DHRS4: variants seen among roughly 807,000 people sequenced by gnomAD.
DHRS4 encodes the protein dehydrogenase/reductase 4.
DHRS4 carries 20 observed loss-of-function variants against 28.4 expected under a neutral mutation model. That is an observed-to-expected ratio of 0.71 (90% CI 0.50 to 1.02). DHRS4 has a LOEUF of 1.02. Among genes scored for constraint, DHRS4 ranks in the 50% least tolerant of loss-of-function variants. DHRS4 has a pLI of 0.00. For missense variants in DHRS4, 378 were observed against 367.2 expected, an observed-to-expected ratio of 1.03 and a Z score of -0.24; for synonymous variants, 144 against 146.4, an observed-to-expected ratio of 0.98 and a Z score of 0.12.
At chr14:23,954,107 C>G in intron 1 of DHRS4, 191 bp downstream of exon 1, 1 of 821,958 alleles carries the variant, frequency 1.2e-6, no homozygotes, top group Non-Finnish European at 1.8e-6. Flanking sequence ...CCCTTGCCAG[C>G]CCTCCTGTCC....
rs987600953 is a variant in DHRS4, at chr14:23,955,729, C to G, written c.306+517C>G. Among the ~76,000 whole-genome samples the G allele has an allele frequency of 2.0e-5, 3 of 152,200 alleles. No individual in the cohort carries two copies. In the South Asian group the frequency reaches 6.2e-4, roughly 32 times the overall value. ...GGCTCAGATAGCTGGAGCAACTTCCCAAGGTCCCACAGCCAGTAAGGAAAG... is the reference window on the plus strand; with the variant it reads ...GGCTCAGATAGCTGGAGCAACTTCCGAAGGTCCCACAGCCAGTAAGGAAAG... On this transcript the variant is annotated intron_variant, in intron 2 of 7. Transcript: ENST00000313250.
chr14:23,954,457 C>T (rs8009599), intron 1 of DHRS4, among the ~76,000 whole-genome samples: 28,783 of 152,092 alleles, frequency 0.19, 6,540 homozygotes, highest in African/African-American at 0.55. Context: ...CTATCCTGGT[C>T]CTCATTTCTA....
At chr14:23,966,815 G>C (rs993640845) in intron 6 of DHRS4, among the ~76,000 whole-genome samples, 2 of 152,286 alleles carry the variant, frequency 1.3e-5, no homozygotes, top group Non-Finnish European at 2.9e-5. Context: ...GTTACCATGA[G>C]GATGGGCAGT....
chr14:23,958,909 T>C (rs1332267325), intron 2 of DHRS4, among the ~76,000 whole-genome samples: 1 of 152,162 alleles, frequency 6.6e-6, no homozygotes, highest in East Asian at 1.9e-4. Flanking sequence ...AACTATAAGA[T>C]CTTGAGAAAA....
At chr14:23,967,503 A>C (rs1464679402) in intron 7 of DHRS4, 4 of 769,260 alleles carry the variant, frequency 5.2e-6, no homozygotes, top group Non-Finnish European at 9.1e-6. Context: ...CTCTGGGAGA[A>C]GCCCTGAGTC....
At chr14:23,958,541 G>A (rs1382280311) in intron 2 of DHRS4, among the ~76,000 whole-genome samples, 1 of 152,220 alleles carries the variant, frequency 6.6e-6, no homozygotes, top group Non-Finnish European at 1.5e-5. Context: ...GAGGTGAGAT[G>A]TTGCCTTTCT....
At chr14:23,958,054 C>T (rs1447330475) in intron 2 of DHRS4, among the ~76,000 whole-genome samples, 1 of 152,026 alleles carries the variant, frequency 6.6e-6, no homozygotes, top group African/African-American at 2.4e-5. Flanking sequence ...TATTAACTTA[C>T]TCTGCACCTC....
intron 5 of DHRS4, 69 bp downstream of exon 5, chr14:23,966,052 C>A: frequency 6.2e-7 from 1 of 1,607,922 alleles, no homozygotes; most frequent in South Asian, 1.1e-5. Flanking sequence ...CTCCTATTAC[C>A]CAAGGAAGTT....
chr14:23,966,568 C>T (rs1181265808), intron 6 of DHRS4, 151 bp downstream of exon 6: 2 of 1,302,856 alleles, frequency 1.5e-6, no homozygotes, highest in African/African-American at 2.9e-5. Context: ...ACCACCTGCC[C>T]TATACAAGCC....
intron 3 of DHRS4, among the ~76,000 whole-genome samples, chr14:23,964,807 C>A (rs1219970987): frequency 6.8e-6 from 1 of 148,048 alleles, no homozygotes; most frequent in Non-Finnish European, 1.5e-5. Flanking sequence ...AACTCCTGAC[C>A]TAAAAGTGAT....
rs772524465 is a variant in DHRS4, at chr14:23,955,054, C to T, written c.148C>T (p.Arg50Trp). The T allele has an allele frequency of 5.0e-6, 8 of 1,614,182 alleles. No individual in the cohort carries two copies. Among genetic ancestry groups the T allele is most frequent in the Admixed American group, 3.3e-5 (2 of 60,024 alleles). ...STDGIGFAIA[R>W]RLAQDGAHVV... is the part of the protein sequence containing the mutation. ...TCACAGGATCGGCTTCGCCATCGCC[C>T]GGCGTTTGGCCCAGGACGGGGCCCA... Residue 50 changes from arginine (R) to tryptophan (W), a missense_variant, in exon 2 of 8, where the codon CGG (arginine) becomes TGG (tryptophan). By Grantham distance (101) the Arg-to-Trp change is moderately radical. Transcript: ENST00000313250.
chr14:23,960,958 A>T (rs1240087519), intron 3 of DHRS4, among the ~76,000 whole-genome samples: 1 of 151,960 alleles, frequency 6.6e-6, no homozygotes, highest in East Asian at 1.9e-4. Context: ...CAAGACAGGA[A>T]GCAAGAGAGA....
intron 3 of DHRS4, among the ~76,000 whole-genome samples, chr14:23,960,487 T>A (rs1391573242): frequency 2.0e-5 from 3 of 151,938 alleles, no homozygotes; most frequent in African/African-American, 4.8e-5. Flanking sequence ...ATACATCCTT[T>A]AAAAAAATAA....
chr14:23,956,686 C>A (rs1039364082), intron 2 of DHRS4, among the ~76,000 whole-genome samples: 1 of 149,582 alleles, frequency 6.7e-6, no homozygotes, highest in South Asian at 2.1e-4. Flanking sequence ...CTCACTGCAA[C>A]CTCCGCCTCC....
intron 1 of DHRS4, among the ~76,000 whole-genome samples, chr14:23,954,780 C>T (rs1470655796): frequency 6.6e-6 from 1 of 152,202 alleles, no homozygotes; most frequent in Non-Finnish European, 1.5e-5. Flanking sequence ...AAGCCTGTCA[C>T]CCATGGTGGG....
At position 23,959,987 on chromosome 14, in the gene DHRS4, A is replaced by C. The variant is rs200099029; in HGVS notation, c.392A>C (p.Glu131Ala). ...PFFGSIMDVT[E>A]EVWDKTLDIN... The stretch of plus-strand genomic sequence containing the variant: ...TTTGGAAGCATAATGGATGTCACTG[A>C]GGAGGTGTGGGACAAGGTGAGAGGG... Residue 131 changes from glutamate (E) to alanine (A), a missense_variant, in exon 3 of 8, where the codon GAG becomes GCG. Physicochemically the swap from Glu to Ala is moderately radical, Grantham distance 107. Coordinates refer to ENST00000313250, the MANE Select transcript of DHRS4 (RefSeq NM_021004.4). 1.1e-4 allele frequency: 169 copies of C among 1,569,250 alleles called. No homozygotes were observed. Among genetic ancestry groups the C allele is most frequent in the Non-Finnish European group, 1.4e-4 (163 of 1,159,032 alleles).
chr14:23,966,057 G>C, intron 5 of DHRS4, 74 bp downstream of exon 5: 1 of 1,607,522 alleles, frequency 6.2e-7, no homozygotes, highest in Non-Finnish European at 8.5e-7. Flanking sequence ...ATTACCCAAG[G>C]AAGTTTGTGT....
At chr14:23,956,885 G>A (rs184421796) in intron 2 of DHRS4, among the ~76,000 whole-genome samples, 1 of 152,258 alleles carries the variant, frequency 6.6e-6, no homozygotes, top group Non-Finnish European at 1.5e-5. Context: ...TTACAGGCGT[G>A]AGCCACTGTG....
Position 23,968,837 on chromosome 14 carries a change from T to G in DHRS4, c.803T>G (p.Val268Gly). ...GCCAGCTACATCACTGGGGAAACAG[T>G]GGTGGTGGGTGGAGGAACCCCGTCC... ...EDASYITGET[V>G]VVGGGTPSRL The change falls in exon 8 of 8, where the codon GTG becomes GGG. Residue 268 changes from valine to glycine, a missense_variant. Val to Gly is a moderately radical substitution (Grantham distance 109, BLOSUM62 -3). Transcript: ENST00000313250. The G allele has an allele frequency of 6.2e-7, 1 of 1,610,364 alleles. No individual in the cohort carries two copies. Among genetic ancestry groups the G allele is most frequent in the East Asian group, 2.2e-5 (1 of 44,760 alleles).
Sources: allele counts gnomAD v4.1 joint callset (sites outside exome capture counted in the v4.1 genomes callset), GRCh38; gene constraint gnomAD v4.1.1; transcripts MANE v1.5; gene names NCBI Gene and HGNC (gene_info 2026-07-23, HGNC 2026-07-21).